The following PFKP variants were observed in gnomAD, a reference collection of about 807,000 sequenced individuals.
The protein encoded by PFKP is phosphofructokinase, platelet.
A neutral mutation model predicts 94.3 loss-of-function variants in PFKP; 101 were observed. The ratio of observed to expected loss-of-function variants is 1.07; its 90% confidence interval spans 0.91 to 1.26. The LOEUF is 1.26. PFKP is among the 50% of genes most tolerant of loss of function. The pLI, the probability that PFKP is intolerant of heterozygous loss-of-function variation, is 0.00. For missense variants in PFKP, 1,145 were observed against 1,103.3 expected, an observed-to-expected ratio of 1.04 and a Z score of -0.53; for synonymous variants, 573 against 432.6, an observed-to-expected ratio of 1.32 and a Z score of -4.03.
intron 7 of PFKP, among the ~76,000 whole-genome samples, chr10:3,106,079 ACT>A (rs969709647): frequency 1.2e-4 from 18 of 152,012 alleles, no homozygotes; most frequent in East Asian, 7.8e-4. Context: ...CTCTCTCCCG[ACT>A]CTCTGCTGCT....
At chr10:3,091,939 C>T (rs1834071776) in intron 2 of PFKP, among the ~76,000 whole-genome samples, 2 of 152,184 alleles carry the variant, frequency 1.3e-5, no homozygotes, top group Admixed American at 1.3e-4. Flanking sequence ...CATTTTATCG[C>T]TAGTTTTTTC....
intron 2 of PFKP, among the ~76,000 whole-genome samples, chr10:3,098,596 A>G (rs1834689253): frequency 1.4e-5 from 2 of 144,318 alleles, no homozygotes. Flanking sequence ...AATCACTTCA[A>G]CCCGGGAGGC....
At chr10:3,121,065 A>AG (rs1190100282) in intron 16 of PFKP, among the ~76,000 whole-genome samples, 1 of 152,140 alleles carries the variant, frequency 6.6e-6, no homozygotes, top group African/African-American at 2.4e-5. Context: ...TGGTAAATAA[A>AG]AAAACAAGCT....
At chr10:3,105,312 C>T (rs1588476184) in intron 6 of PFKP, 81 bp from the exon 7 acceptor site, 2 of 1,340,134 alleles carry the variant, frequency 1.5e-6, no homozygotes, top group Non-Finnish European at 2.1e-6. Flanking sequence ...GTCTGCACGT[C>T]TGTCGCTGAG....
chr10:3,112,721 C>A (rs1207829926), intron 11 of PFKP, among the ~76,000 whole-genome samples: 1 of 152,224 alleles, frequency 6.6e-6, no homozygotes, highest in Non-Finnish European at 1.5e-5. Flanking sequence ...GTGCATGTCA[C>A]CACATCCAGC....
chr10:3,105,263 C>G (rs1007795256), intron 6 of PFKP, 104 bp downstream of exon 6: 5 of 1,353,770 alleles, frequency 3.7e-6, no homozygotes, highest in Non-Finnish European at 5.3e-6. Context: ...CGTGGAAAGT[C>G]CTGAAGGGGC....
rs368019084 is a variant in PFKP, at chr10:3,099,510, GA to G, written c.264+161del. 3.0e-3 allele frequency among the ~76,000 whole-genome samples: 460 copies of G among 152,358 alleles called. 4 individuals carry two copies. The highest frequency in any genetic ancestry group is 0.011 in the African/African-American group (442 of 41,582). On this transcript the variant is annotated intron_variant, in intron 3 of 21. Transcript: ENST00000381125. ...CTCTTTACTTGTGGTTTGATTTTTA[GA>G]AATGCATGTGTTAATCTGTGAGTCA...
At chr10:3,115,104 C>T (rs370746986) in intron 13 of PFKP, among the ~76,000 whole-genome samples, 1 of 152,002 alleles carries the variant, frequency 6.6e-6, no homozygotes, top group East Asian at 1.9e-4. Context: ...AGGATCACTC[C>T]ATTCCTGGCC....
At chr10:3,122,686 T>C (rs551452428) in intron 16 of PFKP, among the ~76,000 whole-genome samples, 2 of 152,340 alleles carry the variant, frequency 1.3e-5, no homozygotes, top group East Asian at 3.9e-4. Flanking sequence ...CCTCTGTGAC[T>C]GGTGACTCAT....
intron 21 of PFKP, 88 bp downstream of exon 21, chr10:3,135,926 A>G (rs1016066739): frequency 2.5e-6 from 2 of 800,398 alleles, no homozygotes; most frequent in African/African-American, 3.5e-5. Flanking sequence ...TCGGCAACTC[A>G]TTCAGGGGTT....
intron 2 of PFKP, among the ~76,000 whole-genome samples, chr10:3,086,908 C>T (rs748879753): frequency 2.0e-5 from 3 of 152,042 alleles, no homozygotes; most frequent in Non-Finnish European, 4.4e-5. Context: ...TGGTATGTAC[C>T]AGAATTAAGG....
intron 10 of PFKP, among the ~76,000 whole-genome samples, chr10:3,111,082 G>A (rs2131594180): frequency 6.6e-6 from 1 of 152,048 alleles, no homozygotes; most frequent in Non-Finnish European, 1.5e-5. Flanking sequence ...TAATGCATCT[G>A]CATGTGTGTG....
In PFKP at chr10:3,112,355, G is replaced by A. The variant is rs1352727297; in HGVS notation, c.1154+69G>A. 2.4e-5 allele frequency: 27 copies of A among 1,124,852 alleles called. No homozygotes were observed. In the East Asian group the frequency reaches 3.3e-4, roughly 14 times the overall value. 69.7% of individuals were successfully genotyped at this position (1,124,852 alleles called of 1,614,324 possible). On this transcript the variant is annotated intron_variant, in intron 11 of 21. Transcript: ENST00000381125. ...CCCCTCAGGCCCAGCCACTGCAAAC[G>A]TGCTTAGGGGTTGTGCTTATTCCAT...
Position 3,136,665 on chromosome 10 carries a change from G to T in PFKP, c.*86G>T. On this transcript the variant is annotated 3_prime_UTR_variant, in exon 22 of 22. Coordinates refer to ENST00000381125, the MANE Select transcript of PFKP (RefSeq NM_002627.5). The stretch of plus-strand genomic sequence containing the variant: ...GTTATTTTATCAGCACTTTATGCAC[G>T]TATTATTGACATTAATACCTAATCG... The T allele has an allele frequency of 1.4e-6, 2 of 1,446,992 alleles. No homozygotes were observed. The highest frequency in any genetic ancestry group is 2.4e-5 in the East Asian group (1 of 40,868). The allele number at this position is 1,446,992 out of a possible 1,614,324, so 89.6% of individuals were successfully genotyped here.
chr10:3,127,204 A>C (rs1838047616), intron 16 of PFKP, among the ~76,000 whole-genome samples: 1 of 152,242 alleles, frequency 6.6e-6, no homozygotes. Context: ...TCTAAGCTCC[A>C]GCAAAGGCGG....
chr10:3,119,834 G>A (rs968672015), intron 15 of PFKP, 58 bp from the exon 16 acceptor site: 23 of 1,568,536 alleles, frequency 1.5e-5, no homozygotes, highest in Middle Eastern at 1.9e-4. Context: ...CTCTCCCAGC[G>A]AGACCCTCTC....
In PFKP at chr10:3,082,459, G is replaced by C; in HGVS notation, c.184G>C (p.Glu62Gln). 6.2e-7 allele frequency: 1 copy of C among 1,603,768 alleles called. No individual in the cohort carries two copies. Among genetic ancestry groups the C allele is most frequent in the Non-Finnish European group, 8.5e-7 (1 of 1,173,260 alleles). Residue 62 changes from glutamate to glutamine, a missense_variant and splice_region_variant, in exon 2 of 22, where the codon GAG (glutamate) becomes CAG (glutamine). Glu to Gln is a conservative substitution (Grantham distance 29, BLOSUM62 2). Coordinates refer to ENST00000381125, the MANE Select transcript of PFKP (RefSeq NM_002627.5). ...YVGAKVYFIY[E>Q]GYQGMVDGGS... ...GGGGGCCAAGGTGTACTTCATCTACGAGGTCAGTGTCTGCCCCTCACCCCC... is the reference window on the plus strand; with the variant it reads ...GGGGGCCAAGGTGTACTTCATCTACCAGGTCAGTGTCTGCCCCTCACCCCC...
chr10:3,068,683 G>T (rs987917307), intron 1 of PFKP: 6 of 984,922 alleles, frequency 6.1e-6, no homozygotes, highest in Non-Finnish European at 7.2e-6. Flanking sequence ...GGCCCCGGGT[G>T]CACGTGGGGG....
At chr10:3,100,931 G>GTTACA in intron 3 of PFKP, 1 of 1,610,114 alleles carries the variant, frequency 6.2e-7, no homozygotes. Flanking sequence ...GTGCTGTAAG[G>GTTACA]GGTGACTGGA....
Sources: allele counts gnomAD v4.1 joint callset (sites outside exome capture counted in the v4.1 genomes callset), GRCh38; gene constraint gnomAD v4.1.1; transcripts MANE v1.5; gene names NCBI Gene and HGNC (gene_info 2026-07-23, HGNC 2026-07-21).